Variants in MEP1A observed in about 807,000 individuals in gnomAD.
MEP1A encodes the protein N-benzoyl-L-tyrosyl-P-amino-benzoic acid hydrolase subunit alpha.
A neutral mutation model predicts 84.5 loss-of-function variants in MEP1A; 68 were observed. That is an observed-to-expected ratio of 0.80 (90% CI 0.66 to 0.98). MEP1A has a LOEUF of 0.98. Ranked by LOEUF, MEP1A falls within the 50% of genes least tolerant of loss-of-function variation. The pLI, the probability that MEP1A is intolerant of heterozygous loss-of-function variation, is 0.00. For missense variants in MEP1A, 887 were observed against 919.9 expected (o/e 0.96, Z 0.46); for synonymous variants, 337 against 336.8 (o/e 1.00, Z -0.01).
Position 46,819,541 on chromosome 6 carries a change from G to T in MEP1A, c.393G>T (p.Glu131Asp). 6.2e-7 allele frequency: 1 copy of T among 1,611,318 alleles called. No homozygotes were observed. Among genetic ancestry groups the T allele is most frequent in the Non-Finnish European group, 8.5e-7 (1 of 1,178,444 alleles). ...IFQQFDGCWS[E>D]VGDQHVGQNI... ...CTCCTCTTTAAAGGTGCTGGTCTGAGGTTGGTGACCAACATGTGGGACAGA... is the reference window on the plus strand; with the variant it reads ...CTCCTCTTTAAAGGTGCTGGTCTGATGTTGGTGACCAACATGTGGGACAGA... Residue 131 changes from glutamate (E) to aspartate (D), a missense_variant, in exon 7 of 14, where the codon GAG becomes GAT. By Grantham distance (45) the Glu-to-Asp change is conservative. Transcript: ENST00000230588.
At chr6:46,824,262 G>C (rs1009228752) in intron 7 of MEP1A, among the ~76,000 whole-genome samples, 2 of 151,486 alleles carry the variant, frequency 1.3e-5, no homozygotes, top group Non-Finnish European at 2.9e-5. Context: ...TTACACACAC[G>C]TACACACACA....
At chr6:46,809,879 G>C (rs1235333650) in intron 6 of MEP1A, among the ~76,000 whole-genome samples, 2 of 151,236 alleles carry the variant, frequency 1.3e-5, no homozygotes, top group East Asian at 3.9e-4. Context: ...GGGCATTTGG[G>C]CTGGTTCCAT....
intron 7 of MEP1A, among the ~76,000 whole-genome samples, chr6:46,821,222 A>T (rs1381888397): frequency 6.6e-6 from 1 of 152,136 alleles, no homozygotes; most frequent in Non-Finnish European, 1.5e-5. Context: ...TATTCTGGTA[A>T]TTCTATGAAT....
Position 46,833,393 on chromosome 6 carries a change from G to T in MEP1A, c.1464G>T (p.Val488=), listed in dbSNP as rs1768123404. The change falls in exon 11 of 14, where the codon GTG becomes GTT. Residue 488 remains valine (V), a synonymous_variant. Coordinates refer to ENST00000230588, the MANE Select transcript of MEP1A (RefSeq NM_005588.3). ...GTTACTTGAGACTTGCTTTTCATGT[G>T]TGCAGTGGGGAGAACGATGCTATCC... is the stretch of plus-strand genomic sequence containing the variant. ...SSGYLRLAFH[V]CSGENDAILE... 6.2e-7 allele frequency: 1 copy of T among 1,614,108 alleles called. No individual in the cohort carries two copies. The highest frequency in any genetic ancestry group is 8.5e-7 in the Non-Finnish European group (1 of 1,180,040).
intron 13 of MEP1A, among the ~76,000 whole-genome samples, chr6:46,837,839 T>A (rs2150759192): frequency 6.6e-6 from 1 of 152,050 alleles, no homozygotes; most frequent in East Asian, 1.9e-4. Context: ...AGGATAGAGA[T>A]GAGGCCTTGG....
intron 12 of MEP1A, 92 bp from the exon 13 acceptor site, chr6:46,835,157 G>A: frequency 8.6e-7 from 1 of 1,165,470 alleles, no homozygotes; most frequent in South Asian, 1.5e-5. Flanking sequence ...ATGGGAGATA[G>A]AAGCAGGCTG....
chr6:46,797,023 A>G (rs1562102197), intron 3 of MEP1A, among the ~76,000 whole-genome samples: 1 of 152,256 alleles, frequency 6.6e-6, no homozygotes, highest in Non-Finnish European at 1.5e-5. Context: ...AGGTTAAGCA[A>G]TCTAGGAAAT....
intron 5 of MEP1A, 124 bp from the exon 6 acceptor site, chr6:46,809,296 C>A: frequency 3.2e-6 from 2 of 632,726 alleles, no homozygotes; most frequent in Admixed American, 3.1e-5. Context: ...CTATTTATTA[C>A]CAAAAACCCT....
chr6:46,816,773 G>A (rs73736655), intron 6 of MEP1A, among the ~76,000 whole-genome samples: 7,060 of 152,182 alleles, frequency 0.046, 173 homozygotes, highest in African/African-American at 0.075. Context: ...TTAGGACTGC[G>A]GGCTGCATGG....
At chr6:46,825,046 T>TA in intron 7 of MEP1A, among the ~76,000 whole-genome samples, 5 of 83,168 alleles carry the variant, frequency 6.0e-5, no homozygotes, top group African/African-American at 1.4e-4. Context: ...TATTTAAATA[T>TA]TTATAAATTA....
At chr6:46,797,499 T>C (rs1001433796) in intron 3 of MEP1A, among the ~76,000 whole-genome samples, 2 of 152,240 alleles carry the variant, frequency 1.3e-5, no homozygotes, top group African/African-American at 4.8e-5. Flanking sequence ...AGATACGGTT[T>C]AGAATGGATC....
chr6:46,816,238 T>G (rs1020182436), intron 6 of MEP1A, among the ~76,000 whole-genome samples: 1 of 152,094 alleles, frequency 6.6e-6, no homozygotes, highest in South Asian at 2.1e-4. Context: ...ATTACAGGCA[T>G]GAGCCACCGC....
rs538614436 is a variant in MEP1A, at chr6:46,809,311, T to C, written c.263-109T>C. The C allele has an allele frequency of 7.3e-5, 50 of 685,580 alleles. No homozygotes were observed. In the South Asian group the frequency reaches 1.2e-3, roughly 17 times the overall value. 42.5% of individuals were successfully genotyped at this position (685,580 alleles called of 1,614,324 possible). ...CTATTTATTACCAAAAACCCTATCA[T>C]GCACCTCTGTGGATTTAATGTGGCA... is the stretch of plus-strand genomic sequence containing the variant. On this transcript the variant is annotated intron_variant, in intron 5 of 13. Transcript: ENST00000230588.
At chr6:46,828,121 AG>A (rs1425080328) in intron 9 of MEP1A, among the ~76,000 whole-genome samples, 4 of 152,184 alleles carry the variant, frequency 2.6e-5, no homozygotes. Context: ...GGGATAATTC[AG>A]GCCTCCTGAG....
Position 46,839,133 on chromosome 6 carries a change from G to A in MEP1A, c.2238G>A (p.Lys746=). 1 of 1,611,966 alleles carries A rather than the reference G, an allele frequency of 6.2e-7. No individual in the cohort carries two copies. Among genetic ancestry groups the A allele is most frequent in the Non-Finnish European group, 8.5e-7 (1 of 1,179,552 alleles). Residue 746 remains lysine, a synonymous_variant, in exon 14 of 14, where the codon AAG becomes AAA. Transcript: ENST00000230588. Reference sequence around the variant, plus strand: ...CCATCCTTTCCCAAAGGCCAAGGAAGTGACCTGCCTGCTGGCATTGGCCAG... The same window carrying A: ...CCATCCTTTCCCAAAGGCCAAGGAAATGACCTGCCTGCTGGCATTGGCCAG... ...IIAILSQRPR[K]
chr6:46,796,870 C>T (rs1767059826), intron 3 of MEP1A, among the ~76,000 whole-genome samples: 1 of 152,154 alleles, frequency 6.6e-6, no homozygotes, highest in South Asian at 2.1e-4. Flanking sequence ...GGACAAACCT[C>T]AATGTAAGAA....
intron 3 of MEP1A, among the ~76,000 whole-genome samples, chr6:46,794,884 C>A (rs1323984541): frequency 6.6e-6 from 1 of 152,166 alleles, no homozygotes; most frequent in Admixed American, 6.5e-5. Flanking sequence ...TTATTTACCT[C>A]TTTGCCATTT....
At position 46,835,373 on chromosome 6, in the gene MEP1A, G is replaced by A; in HGVS notation, c.1908G>A (p.Glu636=). ...SEEGSGKAML[E]EALPVSLSQG... ...AAGGTTCGGGAAAGGCCATGTTAGA[G>A]GAAGCCCTACCTGTCAGCCTGAGCC... The change falls in exon 13 of 14, where the codon GAG becomes GAA. Residue 636 remains glutamate, a synonymous_variant. Transcript: ENST00000230588. The A allele has an allele frequency of 6.2e-7, 1 of 1,611,886 alleles. No individual in the cohort carries two copies. The highest frequency in any genetic ancestry group is 8.5e-7 in the Non-Finnish European group (1 of 1,179,054).
At chr6:46,802,262 T>TCTTCTTTAATTTATCTAATCTA (rs1767212385) in intron 5 of MEP1A, among the ~76,000 whole-genome samples, 1 of 151,922 alleles carries the variant, frequency 6.6e-6, no homozygotes, top group Non-Finnish European at 1.5e-5. Context: ...ATCTAATCCG[T>TCTTCTTTAATTTATCTAATCTA]GTTTTATAAA....
Sources: allele counts gnomAD v4.1 joint callset (sites outside exome capture counted in the v4.1 genomes callset), GRCh38; gene constraint gnomAD v4.1.1; transcripts MANE v1.5; gene names NCBI Gene and HGNC (gene_info 2026-07-23, HGNC 2026-07-21).